Variants in HAUS6 observed in about 807,000 individuals in gnomAD.
HAUS6 encodes HAUS augmin like complex subunit 6.
Under a neutral mutation model 106.8 loss-of-function variants are expected in HAUS6, and 80 were observed. The ratio of observed to expected loss-of-function variants is 0.75; its 90% CI spans 0.63 to 0.90. The LOEUF (loss-of-function observed/expected upper bound fraction) is 0.90, where lower values mean the gene tolerates loss of function less well. HAUS6 is among the 40% of genes least tolerant of loss of function. The probability of loss-of-function intolerance (pLI) is 0.00; values close to 1 mark genes in which losing one functional copy is unlikely to be tolerated. For synonymous variants in HAUS6, 356 were observed against 379.1 expected (o/e 0.94, Z 0.71); for missense variants, 1,155 against 1,118.1 (o/e 1.03, Z -0.47).
intron 12 of HAUS6, among the ~76,000 whole-genome samples, chr9:19,069,390 G>C (rs1159567004): frequency 6.6e-6 from 1 of 152,118 alleles, no homozygotes; most frequent in Non-Finnish European, 1.5e-5. Flanking sequence ...ATATTGTCCA[G>C]TTAAAAGGGC....
intron 2 of HAUS6, among the ~76,000 whole-genome samples, chr9:19,095,652 T>G (rs1321020161): frequency 6.6e-6 from 1 of 152,124 alleles, no homozygotes; most frequent in Non-Finnish European, 1.5e-5. Flanking sequence ...GAAAATAGAT[T>G]ATCAAAAATG....
chr9:19,079,164 CA>C (rs145287970), intron 9 of HAUS6, among the ~76,000 whole-genome samples: 18,030 of 74,810 alleles, frequency 0.24, 1,268 homozygotes, highest in Middle Eastern at 0.31. Context: ...AATGCCGTCT[CA>C]AAAAAAAAAA....
chr9:19,074,425 C>T (rs1836947017), intron 11 of HAUS6, among the ~76,000 whole-genome samples: 1 of 152,024 alleles, frequency 6.6e-6, no homozygotes, highest in Non-Finnish European at 1.5e-5. Context: ...ACACACACCA[C>T]CAGGCCTGGC....
At position 19,094,345 on chromosome 9, in the gene HAUS6, T is replaced by C. The variant is rs1304021432; in HGVS notation, c.275A>G (p.His92Arg). 1.9e-6 allele frequency: 3 copies of C among 1,604,250 alleles called. No individual in the cohort carries two copies. The highest frequency in any genetic ancestry group is 2.6e-6 in the Non-Finnish European group (3 of 1,173,354). Residue 92 changes from histidine (H) to arginine (R), a missense_variant, in exon 3 of 17, where the codon CAT becomes CGT. Physicochemically the swap from His to Arg is conservative, Grantham distance 29 (BLOSUM62 0). Around this residue, in one of 3 missense-constraint regions of HAUS6, gnomAD observed 761 missense variants for 690.0 expected, o/e 1.10. Transcript: ENST00000380502. ...DQKSDTEFRK[H>R]CCEWIKRISG... The stretch of plus-strand genomic sequence containing the variant: ...AATCCTTTTTATCCATTCACAGCAA[T>C]GTTTTCGGAATTCAGTGTCACTTTT...
intron 7 of HAUS6, among the ~76,000 whole-genome samples, chr9:19,084,046 C>A (rs1450369221): frequency 7.9e-6 from 1 of 127,258 alleles, no homozygotes; most frequent in Non-Finnish European, 1.6e-5. Context: ...AGCCCAGGAT[C>A]CTTGCAAAAA....
At chr9:19,091,231 T>C (rs1042169450) in intron 4 of HAUS6, among the ~76,000 whole-genome samples, 4 of 150,286 alleles carry the variant, frequency 2.7e-5, no homozygotes, top group Non-Finnish European at 5.9e-5. Context: ...ACCCGGGAAG[T>C]GGATGTTGCA....
chr9:19,096,222 C>A (rs566623399), intron 2 of HAUS6, among the ~76,000 whole-genome samples: 2 of 152,062 alleles, frequency 1.3e-5, no homozygotes, highest in South Asian at 2.1e-4. Flanking sequence ...AAGACTCAAA[C>A]CTGAATTTTG....
Position 19,098,602 on chromosome 9 carries a change from A to G in HAUS6, c.129-1833T>C, listed in dbSNP as rs192298043. 4.6e-5 allele frequency among the ~76,000 whole-genome samples: 7 copies of G among 152,332 alleles called. No homozygotes were observed. In the East Asian group the frequency reaches 5.8e-4, roughly 13 times the overall value. ...CACTTTAGTTCAGGCCTAAATAATT[A>G]ACTGCAAAGCGCTTCTTCCCCTTCT... is the stretch of plus-strand genomic sequence containing the variant. On this transcript the variant is annotated intron_variant, in intron 1 of 16. Transcript: ENST00000380502.
chr9:19,068,094 C>T (rs1836803548), intron 12 of HAUS6, among the ~76,000 whole-genome samples: 1 of 151,832 alleles, frequency 6.6e-6, no homozygotes, highest in South Asian at 2.1e-4. Flanking sequence ...TCCAGCAAAA[C>T]ACCTTAATCA....
At chr9:19,090,080 C>A (rs1023493470) in intron 4 of HAUS6, among the ~76,000 whole-genome samples, 47 of 152,034 alleles carry the variant, frequency 3.1e-4, no homozygotes, top group African/African-American at 1.1e-3. Context: ...CTCAAGGGAT[C>A]CTCCTGTCTC....
chr9:19,062,730 C>A (rs1836654682), intron 14 of HAUS6, among the ~76,000 whole-genome samples: 1 of 152,196 alleles, frequency 6.6e-6, no homozygotes, highest in African/African-American at 2.4e-5. Flanking sequence ...GATGCAAACA[C>A]AGCTCACTGC....
At chr9:19,075,921 T>A (rs1836989274) in intron 11 of HAUS6, among the ~76,000 whole-genome samples, 1 of 149,344 alleles carries the variant, frequency 6.7e-6, no homozygotes, top group Admixed American at 6.7e-5. Context: ...ATTGCGCCAC[T>A]GCACTCCAGC....
chr9:19,089,356 G>T, intron 5 of HAUS6, 56 bp downstream of exon 5: 5 of 1,093,266 alleles, frequency 4.6e-6, no homozygotes, highest in Non-Finnish European at 7.0e-6. Context: ...ACATTATATT[G>T]GTGACATCTG....
chr9:19,076,592 A>C lies in HAUS6; in HGVS notation c.1294+10T>G. 1 of 1,320,226 alleles carries C rather than the reference A, an allele frequency of 7.6e-7. No individual in the cohort carries two copies. The highest frequency in any genetic ancestry group is 1.2e-5 in the South Asian group (1 of 80,816). The allele number at this position is 1,320,226 out of a possible 1,614,324, so 81.8% of individuals were successfully genotyped here. On this transcript the variant is annotated intron_variant, in intron 11 of 16. Transcript: ENST00000380502. The stretch of plus-strand genomic sequence containing the variant: ...GGTTTCAAAGAGAAAAAAATAAATA[A>C]ATAACCAACCTGGAAGTGAAGCAGG...
intron 11 of HAUS6, among the ~76,000 whole-genome samples, chr9:19,073,446 G>A (rs1657317156): frequency 4.6e-5 from 7 of 150,748 alleles, no homozygotes; most frequent in East Asian, 1.9e-4. Flanking sequence ...ACTCCCAAGA[G>A]TACAACTTCC....
intron 8 of HAUS6, among the ~76,000 whole-genome samples, 192 bp from the exon 9 acceptor site, chr9:19,080,864 G>C (rs1837129888): frequency 6.6e-6 from 1 of 152,086 alleles, no homozygotes; most frequent in Non-Finnish European, 1.5e-5. Context: ...CCTGAGGTCG[G>C]GAGTTCGAGA....
Position 19,080,522 on chromosome 9 carries a change from T to G in HAUS6, c.1021A>C (p.Thr341Pro). The change falls in exon 9 of 17, where the codon ACC becomes CCC. Residue 341 changes from threonine to proline, a missense_variant. Around this residue, in one of 3 missense-constraint regions of HAUS6, gnomAD observed 761 missense variants for 690.0 expected, o/e 1.10. Transcript: ENST00000380502. ...TVDLHYLEKE[T>P]KFQKERLSDL... ...GATAATCTTTCCTTCTGAAATTTGG[T>G]CTCTTTTTCAAGGTAGTGAAGGTCT... 1 of 1,609,418 alleles carries G rather than the reference T, an allele frequency of 6.2e-7. No individual in the cohort carries two copies. Among genetic ancestry groups the G allele is most frequent in the Non-Finnish European group, 8.5e-7 (1 of 1,177,508 alleles).
chr9:19,087,207 G>C lies in HAUS6; in HGVS notation c.585-51C>G, dbSNP rs747793217. On this transcript the variant is annotated intron_variant, in intron 5 of 16. Coordinates refer to ENST00000380502, the MANE Select transcript of HAUS6 (RefSeq NM_017645.5). ...ACTATAATACCATTACGATTAATTA[G>C]TATAGCCCACTTCTCTATTTTCCCT... The C allele has an allele frequency of 6.2e-6, 6 of 971,154 alleles. No individual in the cohort carries two copies. In the East Asian group the frequency reaches 1.4e-4, roughly 23 times the overall value. The allele number at this position is 971,154 out of a possible 1,614,324, so 60.2% of individuals were successfully genotyped here. A position where few individuals can be genotyped will look rare whatever the true frequency, so the allele number is the denominator to read the frequency against.
intron 1 of HAUS6, among the ~76,000 whole-genome samples, chr9:19,102,207 C>T (rs1279412743): frequency 6.6e-6 from 1 of 152,154 alleles, no homozygotes; most frequent in Admixed American, 6.5e-5. Context: ...CTACCACCCG[C>T]CATCCCTCCC....
Sources: allele counts gnomAD v4.1 joint callset (sites outside exome capture counted in the v4.1 genomes callset), GRCh38; gene constraint gnomAD v4.1.1; regional missense constraint gnomAD v4.1.1; transcripts MANE v1.5; gene names NCBI Gene and HGNC (gene_info 2026-07-23, HGNC 2026-07-21).